PCSK9: variants seen among roughly 807,000 people sequenced by gnomAD.
PCSK9 encodes convertase subtilisin/kexin type 9 preproprotein.
Under a neutral mutation model 62.1 loss-of-function variants are expected in PCSK9, and 57 were observed. The ratio of observed to expected loss-of-function variants is 0.92; its 90% CI spans 0.74 to 1.14. PCSK9 has a LOEUF of 1.14. PCSK9 is among the 50% of genes most tolerant of loss of function. The pLI, the probability that PCSK9 is intolerant of heterozygous loss-of-function variation, is 0.00. For synonymous variants in PCSK9, 387 were observed against 409.4 expected, an observed-to-expected ratio of 0.95 and a Z score of 0.66; for missense variants, 870 against 959.8, an observed-to-expected ratio of 0.91 and a Z score of 1.24.
chr1:55,056,301 C>G (rs1024037310), intron 6 of PCSK9, 112 bp downstream of exon 6: 8 of 1,204,458 alleles, frequency 6.6e-6, no homozygotes, highest in Non-Finnish European at 8.8e-6. Context: ...TCTTGTGGCA[C>G]GTTCCTGGAG....
At chr1:55,055,940 G>A in intron 5 of PCSK9, 53 bp from the exon 6 acceptor site, 1 of 1,508,800 alleles carries the variant, frequency 6.6e-7, no homozygotes, top group South Asian at 1.2e-5. Context: ...GGGAGGGGCT[G>A]GGAAAGGGGA....
In PCSK9 at chr1:55,058,494, T is replaced by G. The variant is rs756348146; in HGVS notation, c.1355-5T>G. On this transcript the variant is annotated splice_region_variant and splice_polypyrimidine_tract_variant and intron_variant, in intron 8 of 11. Coordinates refer to ENST00000302118, the MANE Select transcript of PCSK9 (RefSeq NM_174936.4). ...CCCCCTCCTCATCCCAGGCCCTTTT[T>G]GCAGGTTGGCAGCTGTTTTGCAGGA... The G allele has an allele frequency of 6.2e-7, 1 of 1,612,220 alleles. No homozygotes were observed. Among genetic ancestry groups the G allele is most frequent in the South Asian group, 1.1e-5 (1 of 91,002 alleles).
At chr1:55,057,932 G>A (rs1644727360) in intron 7 of PCSK9, 104 bp from the exon 8 acceptor site, 21 of 1,466,846 alleles carry the variant, frequency 1.4e-5, no homozygotes, top group Middle Eastern at 1.7e-4. Context: ...CTGTGTGCAC[G>A]TGTGTTTGTG....
At chr1:55,057,229 G>A (rs1644721985) in intron 6 of PCSK9, 102 bp from the exon 7 acceptor site, 1 of 1,402,952 alleles carries the variant, frequency 7.1e-7, no homozygotes. Flanking sequence ...GACCCAAACA[G>A]GTGTATAGCA....
intron 2 of PCSK9, among the ~76,000 whole-genome samples, chr1:55,046,107 A>C (rs1644632786): frequency 6.6e-6 from 1 of 152,180 alleles, no homozygotes; most frequent in Non-Finnish European, 1.5e-5. Flanking sequence ...GTTTGCACTG[A>C]GCAGGCTGGA....
intron 5 of PCSK9, among the ~76,000 whole-genome samples, chr1:55,055,134 T>C (rs1400785720): frequency 6.6e-6 from 1 of 151,924 alleles, no homozygotes; most frequent in Admixed American, 6.5e-5. Context: ...TGGGGAGTTA[T>C]GGTATGGGGG....
At chr1:55,045,955 C>CG (rs1397233154) in intron 2 of PCSK9, among the ~76,000 whole-genome samples, 1 of 151,970 alleles carries the variant, frequency 6.6e-6, no homozygotes, top group Non-Finnish European at 1.5e-5. Context: ...GGTGATCCCC[C>CG]ACCTCGGCCT....
chr1:55,040,961 C>T lies in PCSK9; in HGVS notation c.207+917C>T, dbSNP rs1644594681. On this transcript the variant is annotated intron_variant, in intron 1 of 11. Transcript: ENST00000302118. The surrounding 1 kb of genome is among the most constrained non-coding windows in gnomAD (Gnocchi z 4.1). Reference sequence around the variant, plus strand: ...CAGGACTTGGCTGAGGTTCTGTGTCCCCCAGCTTGGAGTCAGATGTGGGGT... The same window carrying T: ...CAGGACTTGGCTGAGGTTCTGTGTCTCCCAGCTTGGAGTCAGATGTGGGGT... Among the ~76,000 whole-genome samples, 1 of 152,158 alleles carries T rather than the reference C, an allele frequency of 6.6e-6. No individual in the cohort carries two copies. The highest frequency in any genetic ancestry group is 1.5e-5 in the Non-Finnish European group (1 of 68,030).
chr1:55,063,646 GTTC>G lies in PCSK9; in HGVS notation c.*63_*65del. ...AGGGCTGGGGCTGAGCTTTAAAATGGTTCCGACTTGTCCCTCTCTCAGCCCTCC... is the reference window on the plus strand; with the variant it reads ...AGGGCTGGGGCTGAGCTTTAAAATGGCGACTTGTCCCTCTCTCAGCCCTCC... On this transcript the variant is annotated 3_prime_UTR_variant, in exon 12 of 12. Coordinates refer to ENST00000302118, the MANE Select transcript of PCSK9 (RefSeq NM_174936.4). The G allele has an allele frequency of 6.6e-7, 1 of 1,526,314 alleles. No individual in the cohort carries two copies. Among genetic ancestry groups the G allele is most frequent in the Non-Finnish European group, 8.9e-7 (1 of 1,129,512 alleles). The allele number at this position is 1,526,314 out of a possible 1,614,324, so 94.5% of individuals were successfully genotyped here. A position where few individuals can be genotyped will look rare whatever the true frequency, so the allele number is the denominator to read the frequency against.
chr1:55,057,196 C>A, intron 6 of PCSK9, 135 bp from the exon 7 acceptor site: 1 of 1,158,728 alleles, frequency 8.6e-7, no homozygotes, highest in Middle Eastern at 2.3e-4. Context: ...TCAGATTTTC[C>A]TTAGGAGGGG....
intron 1 of PCSK9, among the ~76,000 whole-genome samples, chr1:55,042,637 G>A (rs559342447): frequency 1.4e-4 from 21 of 152,320 alleles, no homozygotes; most frequent in African/African-American, 5.1e-4. Context: ...GGGCCAAGGA[G>A]GAGCATGGAG....
In PCSK9 at chr1:55,040,466, C is replaced by T. The variant is rs1368956000; in HGVS notation, c.207+422C>T. ...CTGCACCAGGCACAGAGAAAGCGGG[C>T]TTGCCATTATAGTGGGTTCCGATTT... On this transcript the variant is annotated intron_variant, in intron 1 of 11. Coordinates refer to ENST00000302118, the MANE Select transcript of PCSK9 (RefSeq NM_174936.4). The surrounding 1 kb of genome is among the most constrained non-coding windows in gnomAD (Gnocchi z 4.1). 6.6e-6 allele frequency among the ~76,000 whole-genome samples: 1 copy of T among 152,118 alleles called. No individual in the cohort carries two copies. Among genetic ancestry groups the T allele is most frequent in the African/African-American group, 2.4e-5 (1 of 41,442 alleles).
At chr1:55,054,874 A>G (rs45508296) in intron 5 of PCSK9, among the ~76,000 whole-genome samples, 3,080 of 152,202 alleles carry the variant, frequency 0.02, 45 homozygotes, top group African/African-American at 0.023. Context: ...GCGTGGTGGC[A>G]GGCGCCTGTA....
intron 9 of PCSK9, among the ~76,000 whole-genome samples, chr1:55,059,174 C>T (rs1644740657): frequency 1.3e-5 from 2 of 152,326 alleles, no homozygotes; most frequent in Non-Finnish European, 2.9e-5. Context: ...GAGATGGGGT[C>T]TTAATGCTCG....
chr1:55,048,143 G>A (rs1029507457), intron 3 of PCSK9, among the ~76,000 whole-genome samples: 1 of 152,098 alleles, frequency 6.6e-6, no homozygotes, highest in Non-Finnish European at 1.5e-5. Flanking sequence ...TTCTCCCGGG[G>A]GGCTCCAGGG....
At chr1:55,044,367 C>T (rs980262105) in intron 2 of PCSK9, among the ~76,000 whole-genome samples, 18 of 152,122 alleles carry the variant, frequency 1.2e-4, no homozygotes, top group African/African-American at 3.6e-4. Context: ...CTGCTGCCTA[C>T]GGAAACCTGT....
At position 55,040,228 on chromosome 1, in the gene PCSK9, G is replaced by GA. The variant is rs1644589019; in HGVS notation, c.207+185dup. On this transcript the variant is annotated intron_variant, in intron 1 of 11. Coordinates refer to ENST00000302118, the MANE Select transcript of PCSK9 (RefSeq NM_174936.4). This position sits in a 1 kb window ranked among gnomAD's most constrained non-coding sequence, Gnocchi z 4.1. Reference sequence around the variant, plus strand: ...GCGGCGGGGGAGGACGGGTAGTGGGGAGCACGGTGGAGAGCGGGGACGGCC... The same window carrying GA: ...GCGGCGGGGGAGGACGGGTAGTGGGGAAGCACGGTGGAGAGCGGGGACGGCC... Among the ~76,000 whole-genome samples, 1 of 152,240 alleles carries GA rather than the reference G, an allele frequency of 6.6e-6. No homozygotes were observed. The highest frequency in any genetic ancestry group is 2.4e-5 in the African/African-American group (1 of 41,480).
At position 55,046,652 on chromosome 1, in the gene PCSK9, A is replaced by C. The variant is rs1570296264; in HGVS notation, c.523+6A>C. ...GGATGAATACCAGCCCCCCGGTAAG[A>C]CCCCCATCTGTGCCCTGCCCCACCC... is the stretch of plus-strand genomic sequence containing the variant. On this transcript the variant is annotated splice_donor_region_variant and intron_variant, in intron 3 of 11. Coordinates refer to ENST00000302118, the MANE Select transcript of PCSK9 (RefSeq NM_174936.4). 6.2e-7 allele frequency: 1 copy of C among 1,612,202 alleles called. No individual in the cohort carries two copies. The highest frequency in any genetic ancestry group is 8.5e-7 in the Non-Finnish European group (1 of 1,179,698).
intron 5 of PCSK9, among the ~76,000 whole-genome samples, chr1:55,055,173 T>C (rs1644704498): frequency 6.6e-6 from 1 of 152,132 alleles, no homozygotes; most frequent in Admixed American, 6.5e-5. Context: ...TTTAATTCTT[T>C]AGACAATCCT....
Sources: gnomAD v4.1 joint callset for allele counts (sites outside exome capture counted in the v4.1 genomes callset) on GRCh38, gnomAD v4.1.1 for gene constraint, Gnocchi (gnomAD v3.1) non-coding constraint, MANE v1.5 for transcripts, NCBI Gene and HGNC (gene_info 2026-07-23, HGNC 2026-07-21) for gene names.